YEATS2: variants seen among roughly 807,000 people sequenced by gnomAD.
The protein encoded by YEATS2 is YEATS domain containing 2.
In YEATS2, 77 loss-of-function variants were observed where a neutral mutation model predicts 163.2. That is an observed-to-expected ratio of 0.47 (90% CI 0.39 to 0.57). YEATS2 has a LOEUF of 0.57. Ranked by LOEUF, YEATS2 falls within the 20% of genes least tolerant of loss-of-function variation. The pLI, the probability that YEATS2 is intolerant of heterozygous loss-of-function variation, is 0.00. For synonymous variants in YEATS2, 631 were observed against 645.1 expected, an observed-to-expected ratio of 0.98 and a Z score of 0.33; for missense variants, 1,549 against 1,729.8, an observed-to-expected ratio of 0.90 and a Z score of 1.85.
chr3:183,767,038 C>CT (rs2109386594), intron 15 of YEATS2, among the ~76,000 whole-genome samples: 1 of 152,296 alleles, frequency 6.6e-6, no homozygotes, highest in South Asian at 2.1e-4. Context: ...TTTAAGAGGT[C>CT]TTACACCTTC....
chr3:183,792,127 TTTTA>T (rs1163612867), intron 21 of YEATS2, among the ~76,000 whole-genome samples: 1 of 152,160 alleles, frequency 6.6e-6, no homozygotes, highest in African/African-American at 2.4e-5. Context: ...AAACCGAAGA[TTTTA>T]TTTTTTTAAA....
intron 27 of YEATS2, chr3:183,806,082 C>T: frequency 2.8e-6 from 1 of 353,096 alleles, no homozygotes; most frequent in Non-Finnish European, 5.6e-6. Flanking sequence ...GATGTTGTGA[C>T]TTTACAATGG....
chr3:183,707,425 C>T (rs188862583), intron 1 of YEATS2, among the ~76,000 whole-genome samples: 124 of 152,228 alleles, frequency 8.1e-4, no homozygotes, highest in African/African-American at 2.8e-3. Flanking sequence ...ACGATTTGTT[C>T]GTCCATTCCT....
chr3:183,722,255 C>G, intron 5 of YEATS2, 119 bp downstream of exon 5: 1 of 845,494 alleles, frequency 1.2e-6, no homozygotes, highest in East Asian at 2.9e-5. Context: ...GTTTGTTTTC[C>G]TTTTATAATG....
Position 183,756,649 on chromosome 3 carries a change from G to A in YEATS2, c.1512G>A (p.Lys504=). 6.3e-7 allele frequency: 1 copy of A among 1,594,064 alleles called. No homozygotes were observed. The highest frequency in any genetic ancestry group is 1.2e-5 in the South Asian group (1 of 86,096). The part of the protein sequence containing the change: ...VINNPYVIMD[K]QPGQVIGATT... The stretch of plus-strand genomic sequence containing the variant: ...ATAATCCTTATGTTATCATGGACAA[G>A]CAGCCGGGGCAGGTGATTGGAGCCA... The change falls in exon 12 of 31, where the codon AAG becomes AAA. Residue 504 remains lysine (K), a synonymous_variant. Transcript: ENST00000305135.
chr3:183,798,071 G>T lies in YEATS2; in HGVS notation c.3226+20G>T. 3 of 1,612,420 alleles carry T rather than the reference G, an allele frequency of 1.9e-6. No individual in the cohort carries two copies. Among genetic ancestry groups the T allele is most frequent in the Non-Finnish European group, 2.5e-6 (3 of 1,179,472 alleles). ...ATAAAGGTGAGTCCCTTGCCCACGG[G>T]TCGTCTGTGCTGTGGCTGCCTCCAC... On this transcript the variant is annotated intron_variant, in intron 22 of 30. Transcript: ENST00000305135.
intron 14 of YEATS2, 85 bp from the exon 15 acceptor site, chr3:183,762,012 C>T: frequency 1.9e-6 from 3 of 1,565,086 alleles, no homozygotes; most frequent in African/African-American, 1.4e-5. Context: ...TTAATCCCTG[C>T]AAACGGAGAA....
intron 15 of YEATS2, among the ~76,000 whole-genome samples, chr3:183,764,216 C>T (rs756516325): frequency 6.6e-6 from 1 of 151,618 alleles, no homozygotes; most frequent in African/African-American, 2.4e-5. Flanking sequence ...ACCAAAAATA[C>T]AAGAATTAGG....
intron 1 of YEATS2, among the ~76,000 whole-genome samples, chr3:183,710,562 T>C (rs1577034625): frequency 6.6e-6 from 1 of 152,216 alleles, no homozygotes; most frequent in African/African-American, 2.4e-5. Context: ...TTCTAAAGGC[T>C]GCATAAAAAA....
intron 20 of YEATS2, among the ~76,000 whole-genome samples, chr3:183,789,797 C>T (rs1000783419): frequency 6.6e-6 from 1 of 151,982 alleles, no homozygotes; most frequent in Non-Finnish European, 1.5e-5. Context: ...CTTTGGCCTC[C>T]CAAAGTGCTG....
Position 183,777,720 on chromosome 3 carries a change from C to T in YEATS2, c.2736+20C>T, listed in dbSNP as rs1477743771. On this transcript the variant is annotated intron_variant, in intron 19 of 30. Coordinates refer to ENST00000305135, the MANE Select transcript of YEATS2 (RefSeq NM_018023.5). ...ACACAGGTAAATACGCCCATGCACA[C>T]ACCCCAAATATGGGGTGATTATGGC... 1.2e-6 allele frequency: 2 copies of T among 1,606,810 alleles called. No homozygotes were observed. The highest frequency in any genetic ancestry group is 1.1e-5 in the South Asian group (1 of 89,736).
chr3:183,774,284 G>A (rs1344712725), intron 17 of YEATS2, among the ~76,000 whole-genome samples: 1 of 152,122 alleles, frequency 6.6e-6, no homozygotes, highest in African/African-American at 2.4e-5. Flanking sequence ...CCTCCTGTCA[G>A]ATCAGCAGTG....
intron 15 of YEATS2, among the ~76,000 whole-genome samples, chr3:183,764,385 A>AC (rs1170509008): frequency 4.0e-5 from 6 of 151,596 alleles, no homozygotes; most frequent in Non-Finnish European, 5.9e-5. Context: ...AAAAAAAAAA[A>AC]AAAAAAAGAT....
intron 1 of YEATS2, among the ~76,000 whole-genome samples, chr3:183,704,415 G>C (rs1714414166): frequency 6.6e-6 from 1 of 151,784 alleles, no homozygotes; most frequent in African/African-American, 2.4e-5. Flanking sequence ...ATTTCCATAG[G>C]TTTGGAGATA....
intron 15 of YEATS2, among the ~76,000 whole-genome samples, chr3:183,770,642 G>A (rs1222078346): frequency 6.6e-6 from 1 of 152,128 alleles, no homozygotes; most frequent in East Asian, 1.9e-4. Flanking sequence ...GAGGCAACAA[G>A]CACTGTCATG....
intron 11 of YEATS2, among the ~76,000 whole-genome samples, chr3:183,754,741 A>C (rs1215465783): frequency 6.6e-6 from 1 of 152,210 alleles, no homozygotes; most frequent in Non-Finnish European, 1.5e-5. Context: ...GCATGGAGTT[A>C]AATTTTAAGG....
chr3:183,801,838 C>G, intron 25 of YEATS2: 1 of 223,298 alleles, frequency 4.5e-6, no homozygotes, highest in Non-Finnish European at 8.8e-6. Flanking sequence ...AAGCATTTAG[C>G]GTTTGCCTGC....
intron 21 of YEATS2, among the ~76,000 whole-genome samples, chr3:183,796,173 T>G (rs2108501752): frequency 6.8e-6 from 1 of 146,858 alleles, no homozygotes; most frequent in East Asian, 2.0e-4. Context: ...TTTTTTTGTA[T>G]TTTTAGTAGA....
intron 1 of YEATS2, among the ~76,000 whole-genome samples, chr3:183,712,007 A>G (rs1244571025): frequency 6.6e-6 from 1 of 151,090 alleles, no homozygotes; most frequent in African/African-American, 2.4e-5. Context: ...TTTAGTAGAG[A>G]TGGATTTTCA....
Sources: gnomAD v4.1 joint callset for allele counts (sites outside exome capture counted in the v4.1 genomes callset) on GRCh38, gnomAD v4.1.1 for gene constraint, MANE v1.5 for transcripts, NCBI Gene and HGNC (gene_info 2026-07-23, HGNC 2026-07-21) for gene names.